COPZ2: variants seen among roughly 807,000 people sequenced by gnomAD.
COPZ2 encodes coatomer subunit zeta-2.
Under a neutral mutation model 33.2 loss-of-function variants are expected in COPZ2, and 30 were observed. The ratio of observed to expected loss-of-function variants is 0.90; its 90% confidence interval spans 0.68 to 1.23. COPZ2 has a LOEUF of 1.23. COPZ2 is among the 50% of genes most tolerant of loss of function. COPZ2 has a pLI of 0.00. For synonymous variants in COPZ2, 89 were observed against 102.6 expected, an observed-to-expected ratio of 0.87 and a Z score of 0.80; for missense variants, 263 against 262.4, an observed-to-expected ratio of 1.00 and a Z score of -0.02.
rs1393328439 is a variant in COPZ2 at position 48,028,092 on chromosome 17, G to A, written c.585+380C>T. Among the ~76,000 whole-genome samples, 1 of 152,170 alleles carries A rather than the reference G, an allele frequency of 6.6e-6. No individual in the cohort carries two copies. Among genetic ancestry groups the A allele is most frequent in the Non-Finnish European group, 1.5e-5 (1 of 68,018 alleles). ...GGGTTAAGAGCCAAACTCCTATTTGGTACCCTTTCCAGGTTTCGGTAGAGG... is the reference window on the plus strand; with the variant it reads ...GGGTTAAGAGCCAAACTCCTATTTGATACCCTTTCCAGGTTTCGGTAGAGG... On this transcript the variant is annotated intron_variant, in intron 8 of 8. Coordinates refer to ENST00000621465, the MANE Select transcript of COPZ2 (RefSeq NM_016429.4). The surrounding 1 kb of genome is among the most constrained non-coding windows in gnomAD (Gnocchi z 4.5).
chr17:48,040,327 C>T (rs2037049696), upstream of COPZ2, among the ~76,000 whole-genome samples: 1 of 152,030 alleles, frequency 6.6e-6, no homozygotes, highest in African/African-American at 2.4e-5. Context: ...CCTGCCTCGG[C>T]CTCCCAAAGC....
intron 4 of COPZ2, 148 bp downstream of exon 4, chr17:48,033,063 C>T: frequency 1.6e-6 from 1 of 623,034 alleles, no homozygotes; most frequent in East Asian, 2.8e-5. Flanking sequence ...CCAGAAAGAA[C>T]CCTTCTGGCT....
chr17:48,043,440 C>A, the COPZ2 span: 1 of 840,814 alleles, frequency 1.2e-6, no homozygotes, highest in Non-Finnish European at 1.4e-6. Flanking sequence ...GGGTACCAGC[C>A]TCTCTCTATC....
rs1467226299 is a variant in COPZ2 at position 48,026,437 on chromosome 17, T to A, written c.624A>T (p.Leu208Phe). ...QSAKEQIKWS[L>F]LK ...CTTGAATCCACAGCCTTCATTTCAA[T>A]AACGACCATTTAATTTGTTCCTTGG... Residue 208 changes from leucine to phenylalanine, a missense_variant, in exon 9 of 9, where the codon TTA becomes TTT. Physicochemically the swap from Leu to Phe is conservative, Grantham distance 22. Transcript: ENST00000621465. The A allele has an allele frequency of 2.5e-6, 4 of 1,613,220 alleles. No homozygotes were observed. Among genetic ancestry groups the A allele is most frequent in the East Asian group, 2.2e-5 (1 of 44,882 alleles).
At chr17:48,036,322 G>A (rs936066197) in intron 2 of COPZ2, among the ~76,000 whole-genome samples, 3 of 152,154 alleles carry the variant, frequency 2.0e-5, no homozygotes, top group African/African-American at 4.8e-5. Context: ...GGATCTGTTA[G>A]GATATTAATA....
the COPZ2 span, among the ~76,000 whole-genome samples, chr17:48,044,633 A>G: frequency 1.3e-5 from 2 of 152,182 alleles, no homozygotes; most frequent in African/African-American, 4.8e-5. Flanking sequence ...TTGAGAAGCA[A>G]TCTTCTAAGA....
chr17:48,042,220 G>A (rs544244370), upstream of COPZ2, among the ~76,000 whole-genome samples: 21 of 151,916 alleles, frequency 1.4e-4, 1 homozygote, highest in Non-Finnish European at 2.2e-4. Context: ...TGCAATCTCC[G>A]CCTCCCAGGT....
At chr17:48,041,490 G>T (rs531867447), upstream of COPZ2, among the ~76,000 whole-genome samples, 1 of 152,262 alleles carries the variant, frequency 6.6e-6, no homozygotes, top group African/African-American at 2.4e-5. Flanking sequence ...CTTTAACAAG[G>T]TGACATTTGA....
chr17:48,034,334 G>A (rs184594537), intron 2 of COPZ2, among the ~76,000 whole-genome samples: 2 of 152,170 alleles, frequency 1.3e-5, no homozygotes, highest in African/African-American at 4.8e-5. Flanking sequence ...TCGAACTCCC[G>A]ACCTCAGGTG....
Position 48,037,040 on chromosome 17 carries a change from A to G in COPZ2, c.112-115T>C, listed in dbSNP as rs1262196746. The G allele has an allele frequency of 2.1e-6, 2 of 940,606 alleles. No individual in the cohort carries two copies. The highest frequency in any genetic ancestry group is 2.2e-4 in the Middle Eastern group (1 of 4,630). The allele number at this position is 940,606 out of a possible 1,614,324, so 58.3% of individuals were successfully genotyped here. The stretch of plus-strand genomic sequence containing the variant: ...CAGGCCCCAGCAACCCCAGTCCTCA[A>G]GGTCCACAGCTGGTTCTGCCCAGCC... On this transcript the variant is annotated intron_variant, in intron 1 of 8. Transcript: ENST00000621465. The surrounding 1 kb of genome is among the most constrained non-coding windows in gnomAD (Gnocchi z 5.6).
At chr17:48,046,516 T>C in the COPZ2 span, 6 of 152,174 alleles carry the variant, frequency 3.9e-5, no homozygotes, top group African/African-American at 1.4e-4. Context: ...GGTCAAGCAA[T>C]CCTCCCGCCT....
chr17:48,034,079 C>A, intron 2 of COPZ2, 135 bp from the exon 3 acceptor site: 1 of 620,584 alleles, frequency 1.6e-6, no homozygotes, highest in Non-Finnish European at 2.9e-6. Context: ...TTACTGCACC[C>A]TAGGCCTGCA....
the COPZ2 span, chr17:48,043,577 C>T: frequency 1.0e-6 from 1 of 985,216 alleles, no homozygotes; most frequent in Non-Finnish European, 1.2e-6. Context: ...TTCTAGTAGA[C>T]CATTCTAAGG....
chr17:48,029,812 T>C (rs906797269), intron 6 of COPZ2, among the ~76,000 whole-genome samples: 4 of 151,254 alleles, frequency 2.6e-5, no homozygotes, highest in Non-Finnish European at 4.4e-5. Context: ...CTAGTAAAAG[T>C]ACAAAAATCA....
chr17:48,034,476 C>T (rs998927503), intron 2 of COPZ2, among the ~76,000 whole-genome samples: 7 of 152,138 alleles, frequency 4.6e-5, no homozygotes, highest in African/African-American at 1.7e-4. Flanking sequence ...CTTTTGGAGT[C>T]CCCTCCTGGT....
intron 2 of COPZ2, 63 bp from the exon 3 acceptor site, chr17:48,034,007 G>C: frequency 4.1e-6 from 5 of 1,232,030 alleles, no homozygotes; most frequent in Non-Finnish European, 5.8e-6. Context: ...TCCCTAGATT[G>C]GGGGGCAGGA....
upstream of COPZ2, among the ~76,000 whole-genome samples, chr17:48,038,697 T>C (rs1016077992): frequency 6.6e-6 from 1 of 152,244 alleles, no homozygotes; most frequent in Non-Finnish European, 1.5e-5. Flanking sequence ...TGACTGGGGA[T>C]AGAACCCAGA....
chr17:48,046,048 C>T, the COPZ2 span: 1 of 152,216 alleles, frequency 6.6e-6, no homozygotes, highest in Non-Finnish European at 1.5e-5. Context: ...CAGGCCTAGG[C>T]CTGCTGTTGC....
chr17:48,046,125 C>G, the COPZ2 span: 1 of 152,274 alleles, frequency 6.6e-6, no homozygotes, highest in Non-Finnish European at 1.5e-5. Flanking sequence ...TTCTGCCCAC[C>G]TTTGTGAAAT....
Sources: gnomAD v4.1 joint callset for allele counts (sites outside exome capture counted in the v4.1 genomes callset) on GRCh38, gnomAD v4.1.1 for gene constraint, Gnocchi (gnomAD v3.1) non-coding constraint, MANE v1.5 for transcripts, NCBI Gene and HGNC (gene_info 2026-07-23, HGNC 2026-07-21) for gene names.